Variants in ATXN1 observed in about 807,000 individuals in gnomAD.
The protein encoded by ATXN1 is ataxin 1, also known as ataxin-1.
A neutral mutation model predicts 56.4 loss-of-function variants in ATXN1; 8 were observed. The observed-to-expected ratio is 0.14, with a 90% CI of 0.08 to 0.26. The LOEUF (loss-of-function observed/expected upper bound fraction) is 0.26, where lower values mean the gene tolerates loss of function less well. Ranked by LOEUF, ATXN1 falls within the 10% of genes least tolerant of loss-of-function variation. The pLI is 1.00. For synonymous variants in ATXN1, 514 were observed against 494.6 expected (o/e 1.04, Z -0.52); for missense variants, 987 against 1,106.5 (o/e 0.89, Z 1.53).
rs199654872 is a variant in ATXN1, at chr6:16,401,640, A to C, written c.-160-73170T>G. ...ATTGGGAAGAGTGCTCCTGGTGGAC[A>C]CACTTTGAGTCTCAAAAAGGAAAAT... On this transcript the variant is annotated intron_variant, in intron 6 of 7. Coordinates refer to ENST00000436367, the MANE Select transcript of ATXN1 (RefSeq NM_001128164.2). Among the ~76,000 whole-genome samples, 148 of 67,008 alleles carry C rather than the reference A, an allele frequency of 2.2e-3. 1 individual carries two copies. The highest frequency in any genetic ancestry group is 1.1e-3 in the Non-Finnish European group (35 of 32,270). 44.0% of individuals were successfully genotyped at this position (67,008 alleles called of 152,430 possible).
chr6:16,459,575 C>T (rs1759949597), intron 6 of ATXN1, among the ~76,000 whole-genome samples: 1 of 152,120 alleles, frequency 6.6e-6, no homozygotes, highest in Non-Finnish European at 1.5e-5. Flanking sequence ...CTCTCAAATA[C>T]CAAAGGAAGC....
At chr6:16,352,792 C>A (rs1251000569) in intron 6 of ATXN1, among the ~76,000 whole-genome samples, 2 of 152,044 alleles carry the variant, frequency 1.3e-5, no homozygotes, top group Admixed American at 6.5e-5. Flanking sequence ...ATATACATAC[C>A]TACGATAAAG....
intron 2 of ATXN1, among the ~76,000 whole-genome samples, chr6:16,706,165 C>A (rs751942281): frequency 2.0e-5 from 3 of 152,130 alleles, no homozygotes; most frequent in East Asian, 1.9e-4. Flanking sequence ...GACTGAAGGA[C>A]GTGCTCTGCA....
rs1373595104 is a variant in ATXN1, at chr6:16,760,286, C to G, written c.-730+1012G>C. On this transcript the variant is annotated intron_variant, in intron 1 of 7. Coordinates refer to ENST00000436367, the MANE Select transcript of ATXN1 (RefSeq NM_001128164.2). The surrounding 1 kb of genome is among the most constrained non-coding windows in gnomAD (Gnocchi z 5.3). ...TTCCCCTCCTCCTGGCTTCATTCACCCTCCCAGCAGCCGCGCAGCCGTTCA... is the reference window on the plus strand; with the variant it reads ...TTCCCCTCCTCCTGGCTTCATTCACGCTCCCAGCAGCCGCGCAGCCGTTCA... Among the ~76,000 whole-genome samples, 2 of 152,016 alleles carry G rather than the reference C, an allele frequency of 1.3e-5. No individual in the cohort carries two copies. Among genetic ancestry groups the G allele is most frequent in the Non-Finnish European group, 2.9e-5 (2 of 67,938 alleles).
At chr6:16,441,762 G>C (rs1412323550) in intron 6 of ATXN1, among the ~76,000 whole-genome samples, 2 of 152,022 alleles carry the variant, frequency 1.3e-5, no homozygotes, top group Non-Finnish European at 2.9e-5. Flanking sequence ...ACACAAGAGG[G>C]AATACATACA....
At position 16,572,285 on chromosome 6, in the gene ATXN1, A is replaced by C. The variant is rs1025608213; in HGVS notation, c.-361+13495T>G. ...TTGGCCTAATGACCGACTGATACCA[A>C]AAAAGGTATAAGGACTCAACTGTTA... On this transcript the variant is annotated intron_variant, in intron 4 of 7. Transcript: ENST00000436367. 2.0e-5 allele frequency among the ~76,000 whole-genome samples: 3 copies of C among 152,320 alleles called. No individual in the cohort carries two copies. The South Asian group carries it at 6.2e-4, about 32-fold the overall frequency.
In ATXN1 at chr6:16,753,239, T is replaced by A; in HGVS notation, c.-621A>T. The A allele has an allele frequency of 2.2e-6, 1 of 456,634 alleles. No individual in the cohort carries two copies. The highest frequency in any genetic ancestry group is 1.5e-5 in the South Asian group (1 of 64,562). The allele number at this position is 456,634 out of a possible 1,614,324, so 28.3% of individuals were successfully genotyped here. On this transcript the variant is annotated 5_prime_UTR_variant, in exon 2 of 8. The change abolishes an upstream ATG in the 5' untranslated region. Transcript: ENST00000436367. The stretch of plus-strand genomic sequence containing the variant: ...AGCATCGCAAAACTCTCACCTGACA[T>A]GTGATGCACTTCCCTGTAGTGGCAG...
chr6:16,637,469 C>T (rs1763620694), intron 3 of ATXN1, among the ~76,000 whole-genome samples: 1 of 151,648 alleles, frequency 6.6e-6, no homozygotes, highest in African/African-American at 2.4e-5. Flanking sequence ...ACATTGTGCA[C>T]ATGTACCCTA....
chr6:16,389,437 G>A (rs1463045221), intron 6 of ATXN1, among the ~76,000 whole-genome samples: 1 of 151,604 alleles, frequency 6.6e-6, no homozygotes, highest in East Asian at 1.9e-4. Flanking sequence ...AGTTCTAAAA[G>A]AAAGCGACAG....
intron 3 of ATXN1, among the ~76,000 whole-genome samples, chr6:16,627,982 A>G (rs1368505234): frequency 2.6e-5 from 4 of 152,250 alleles, no homozygotes; most frequent in African/African-American, 9.6e-5. Flanking sequence ...TGAGCCCTGC[A>G]AACAGAAATT....
intron 5 of ATXN1, among the ~76,000 whole-genome samples, chr6:16,487,694 A>T (rs2113658082): frequency 6.6e-6 from 1 of 152,356 alleles, no homozygotes; most frequent in South Asian, 2.1e-4. Context: ...CTCAAGAGGG[A>T]CAGAATTAAA....
At chr6:16,564,150 C>T (rs1363518289) in intron 4 of ATXN1, among the ~76,000 whole-genome samples, 1 of 152,184 alleles carries the variant, frequency 6.6e-6, no homozygotes, top group Non-Finnish European at 1.5e-5. Context: ...CATTGTAACA[C>T]ATACATGATG....
At chr6:16,680,685 C>T (rs976885281) in intron 2 of ATXN1, among the ~76,000 whole-genome samples, 2 of 152,142 alleles carry the variant, frequency 1.3e-5, no homozygotes, top group African/African-American at 4.8e-5. Flanking sequence ...GGGTGTTTTT[C>T]ACTGTTATAT....
At chr6:16,580,817 A>G (rs1762514907) in intron 4 of ATXN1, among the ~76,000 whole-genome samples, 1 of 152,232 alleles carries the variant, frequency 6.6e-6, no homozygotes, top group East Asian at 1.9e-4. Flanking sequence ...TTTTCCTAAA[A>G]AAATCATTAA....
chr6:16,457,721 A>T (rs1759907087), intron 6 of ATXN1, among the ~76,000 whole-genome samples: 1 of 152,154 alleles, frequency 6.6e-6, no homozygotes, highest in African/African-American at 2.4e-5. Context: ...GGCGATTTAC[A>T]TTCCACAGGA....
chr6:16,708,596 C>T (rs1417516788), intron 2 of ATXN1, among the ~76,000 whole-genome samples: 1 of 151,958 alleles, frequency 6.6e-6, no homozygotes, highest in Non-Finnish European at 1.5e-5. Flanking sequence ...GATTTCTAGA[C>T]AAGGAGAATT....
intron 6 of ATXN1, among the ~76,000 whole-genome samples, chr6:16,395,066 G>A (rs1235173081): frequency 6.6e-6 from 1 of 151,892 alleles, no homozygotes; most frequent in Non-Finnish European, 1.5e-5. Context: ...AGATCGGGGA[G>A]TTCGAGACCA....
At chr6:16,390,680 T>TCA (rs57705650) in intron 6 of ATXN1, among the ~76,000 whole-genome samples, 27,224 of 147,060 alleles carry the variant, frequency 0.19, 2,891 homozygotes, top group African/African-American at 0.3. Flanking sequence ...AATAAACACA[T>TCA]CACACACACA....
At chr6:16,427,175 T>C (rs1369789213) in intron 6 of ATXN1, among the ~76,000 whole-genome samples, 4 of 152,302 alleles carry the variant, frequency 2.6e-5, no homozygotes, top group South Asian at 2.1e-4. Context: ...CGAATTGTTC[T>C]TTTAAGGTTA....
Sources: allele counts gnomAD v4.1 joint callset (sites outside exome capture counted in the v4.1 genomes callset), GRCh38; gene constraint gnomAD v4.1.1; non-coding constraint Gnocchi (gnomAD v3.1); transcripts MANE v1.5; gene names NCBI Gene and HGNC (gene_info 2026-07-23, HGNC 2026-07-21).